ZNF804B: variants seen among roughly 807,000 people sequenced by gnomAD.
ZNF804B encodes zinc finger protein 804B, also known as zinc finger 804B.
ZNF804B carries 80 observed loss-of-function variants against 101.4 expected under a neutral mutation model. The observed-to-expected ratio is 0.79, with a 90% CI of 0.66 to 0.95. The LOEUF (loss-of-function observed/expected upper bound fraction) is 0.95, where lower values mean the gene tolerates loss of function less well. ZNF804B is among the 40% of genes least tolerant of loss of function. The probability of loss-of-function intolerance (pLI) is 0.00; values close to 1 mark genes in which losing one functional copy is unlikely to be tolerated. For missense variants in ZNF804B, 1,673 were observed against 1,561.9 expected (o/e 1.07, Z -1.20); for synonymous variants, 622 against 558.8 (o/e 1.11, Z -1.59).
intron 1 of ZNF804B, among the ~76,000 whole-genome samples, chr7:88,894,059 T>A (rs1792250293): frequency 6.6e-6 from 1 of 152,124 alleles, no homozygotes; most frequent in Non-Finnish European, 1.5e-5. Context: ...CTTGTCTCCT[T>A]TAAGTTTTCA....
At chr7:89,293,733 G>A (rs570611788) in intron 2 of ZNF804B, among the ~76,000 whole-genome samples, 2 of 151,840 alleles carry the variant, frequency 1.3e-5, no homozygotes, top group Non-Finnish European at 2.9e-5. Flanking sequence ...AGCTTGCAGT[G>A]AGCCGAGATT....
At chr7:88,985,834 T>C (rs1173951007) in intron 1 of ZNF804B, among the ~76,000 whole-genome samples, 1 of 152,096 alleles carries the variant, frequency 6.6e-6, no homozygotes, top group African/African-American at 2.4e-5. Flanking sequence ...TCCTCATTAG[T>C]AAAGTCATTA....
intron 2 of ZNF804B, among the ~76,000 whole-genome samples, chr7:89,220,865 A>G (rs1241361685): frequency 3.3e-5 from 5 of 151,956 alleles, no homozygotes; most frequent in African/African-American, 1.2e-4. Flanking sequence ...TACATTTTGC[A>G]GTTCCTTTTC....
At chr7:88,900,136 A>G (rs75127502) in intron 1 of ZNF804B, among the ~76,000 whole-genome samples, 2,207 of 152,244 alleles carry the variant, frequency 0.014, 55 homozygotes, top group African/African-American at 0.05. Flanking sequence ...TTTTAGAACA[A>G]GATTGGCTGG....
In ZNF804B at chr7:89,229,240, C is replaced by T. The variant is rs563220314; in HGVS notation, c.249+10945C>T. On this transcript the variant is annotated intron_variant, in intron 2 of 3. Coordinates refer to ENST00000333190, the MANE Select transcript of ZNF804B (RefSeq NM_181646.5). The stretch of plus-strand genomic sequence containing the variant: ...AAAGTGGAAGCCCAGGCAGAGGAGG[C>T]GCTGAGAGTGAGCGAGGGCTGTGAG... 7.9e-5 allele frequency among the ~76,000 whole-genome samples: 12 copies of T among 152,314 alleles called. No individual in the cohort carries two copies. In the South Asian group the frequency reaches 8.3e-4, roughly 11 times the overall value.
At chr7:88,922,122 A>T (rs2115999173) in intron 1 of ZNF804B, among the ~76,000 whole-genome samples, 2 of 152,136 alleles carry the variant, frequency 1.3e-5, no homozygotes, top group African/African-American at 4.8e-5. Flanking sequence ...GAATTTTCAG[A>T]TTCAGAATTT....
intron 2 of ZNF804B, among the ~76,000 whole-genome samples, chr7:89,231,997 G>A (rs995377962): frequency 5.3e-5 from 8 of 152,086 alleles, no homozygotes; most frequent in African/African-American, 1.9e-4. Flanking sequence ...TTTGTGTTCT[G>A]AATCGTAGGT....
intron 1 of ZNF804B, among the ~76,000 whole-genome samples, chr7:89,079,000 A>T (rs925965713): frequency 6.6e-6 from 1 of 151,996 alleles, no homozygotes; most frequent in African/African-American, 2.4e-5. Flanking sequence ...CCATGCTTTT[A>T]TACTTCTAAT....
Position 89,333,928 on chromosome 7 carries a change from G to A in ZNF804B, c.946G>A (p.Asp316Asn). The change falls in exon 4 of 4, where the codon GAT (aspartate) becomes AAT (asparagine). Residue 316 changes from aspartate to asparagine, a missense_variant. Transcript: ENST00000333190. ...KHDSIDETLE[D>N]SIGIHASFSK... ...CGACTCTATTGATGAGACACTAGAAGATTCAATTGGCATTCATGCTTCATT... is the reference window on the plus strand; with the variant it reads ...CGACTCTATTGATGAGACACTAGAAAATTCAATTGGCATTCATGCTTCATT... 5 of 1,613,560 alleles carry A rather than the reference G, an allele frequency of 3.1e-6. No individual in the cohort carries two copies. Among genetic ancestry groups the A allele is most frequent in the South Asian group, 1.1e-5 (1 of 91,068 alleles).
intron 1 of ZNF804B, among the ~76,000 whole-genome samples, chr7:88,969,352 G>T (rs542592888): frequency 6.6e-6 from 1 of 151,646 alleles, no homozygotes; most frequent in South Asian, 2.1e-4. Context: ...CCTTGTATAA[G>T]AAATTGATGA....
chr7:89,250,671 C>G (rs1335116458), intron 2 of ZNF804B, among the ~76,000 whole-genome samples: 2 of 152,152 alleles, frequency 1.3e-5, no homozygotes, highest in Non-Finnish European at 2.9e-5. Flanking sequence ...CCCTGATGAA[C>G]ACAGACACAA....
chr7:88,955,233 T>C (rs1326821585), intron 1 of ZNF804B, among the ~76,000 whole-genome samples: 1 of 151,608 alleles, frequency 6.6e-6, no homozygotes, highest in African/African-American at 2.4e-5. Flanking sequence ...GAGTCCTCAA[T>C]AGAAAAAATG....
chr7:89,121,502 A>G (rs188611605), intron 1 of ZNF804B, among the ~76,000 whole-genome samples: 2 of 152,326 alleles, frequency 1.3e-5, no homozygotes, highest in East Asian at 3.9e-4. Flanking sequence ...ACTTTTATGT[A>G]TAATCTGCCA....
intron 2 of ZNF804B, among the ~76,000 whole-genome samples, chr7:89,314,307 A>G (rs1790688266): frequency 6.6e-6 from 1 of 152,190 alleles, no homozygotes; most frequent in Non-Finnish European, 1.5e-5. Context: ...TTAGGCTCAA[A>G]TCTAAAGTGT....
intron 1 of ZNF804B, among the ~76,000 whole-genome samples, chr7:88,826,030 T>G (rs371368618): frequency 2.6e-5 from 4 of 152,216 alleles, no homozygotes; most frequent in African/African-American, 9.6e-5. Context: ...AATAGGAAGA[T>G]TTCTGATAAC....
chr7:88,934,839 C>T (rs1050734555), intron 1 of ZNF804B, among the ~76,000 whole-genome samples: 6 of 151,766 alleles, frequency 4.0e-5, no homozygotes, highest in African/African-American at 1.2e-4. Flanking sequence ...AAAGACTAAA[C>T]GTAGAACTAC....
chr7:88,908,632 A>T (rs1330362859), intron 1 of ZNF804B, among the ~76,000 whole-genome samples: 1 of 151,750 alleles, frequency 6.6e-6, no homozygotes, highest in East Asian at 1.9e-4. Flanking sequence ...TTTAATGCTG[A>T]CTTAGTAATA....
At chr7:89,086,040 T>G (rs1292862669) in intron 1 of ZNF804B, among the ~76,000 whole-genome samples, 1 of 152,024 alleles carries the variant, frequency 6.6e-6, no homozygotes, top group Non-Finnish European at 1.5e-5. Context: ...TGCTTTAATC[T>G]TCCATGACTT....
At chr7:89,111,725 A>C (rs1376191449) in intron 1 of ZNF804B, among the ~76,000 whole-genome samples, 2 of 152,180 alleles carry the variant, frequency 1.3e-5, no homozygotes, top group Non-Finnish European at 2.9e-5. Context: ...ATAAAAATCA[A>C]CTTATTAATT....
Sources: allele counts gnomAD v4.1 joint callset (sites outside exome capture counted in the v4.1 genomes callset), GRCh38; gene constraint gnomAD v4.1.1; transcripts MANE v1.5; gene names NCBI Gene and HGNC (gene_info 2026-07-23, HGNC 2026-07-21).